Variants in TNFSF4 observed in about 807,000 individuals in gnomAD.
The protein encoded by TNFSF4 is tumor necrosis factor ligand superfamily member 4.
Under a neutral mutation model 7.3 loss-of-function variants are expected in TNFSF4, and 4 were observed. The ratio of observed to expected loss-of-function variants is 0.55; its 90% CI spans 0.27 to 1.25. TNFSF4 has a LOEUF of 1.25. Among genes scored for constraint, TNFSF4 ranks in the 50% most tolerant of loss-of-function variants. TNFSF4 has a pLI of 0.12. For synonymous variants in TNFSF4, 76 were observed against 83.7 expected (o/e 0.91, Z 0.50); for missense variants, 181 against 208.8 (o/e 0.87, Z 0.82).
chr1:173,218,602 T>TA, the TNFSF4 span, among the ~76,000 whole-genome samples: 1 of 96,994 alleles, frequency 1.0e-5, no homozygotes, highest in Non-Finnish European at 1.9e-5. Context: ...CCCCTAAAAT[T>TA]TAAAAAAAAA....
the TNFSF4 span, among the ~76,000 whole-genome samples, chr1:173,403,989 G>T: frequency 2.0e-5 from 3 of 152,178 alleles, no homozygotes; most frequent in African/African-American, 7.2e-5. Flanking sequence ...AGTAAGAAAT[G>T]ATACCGGCAC....
At chr1:173,215,884 C>T in the TNFSF4 span, among the ~76,000 whole-genome samples, 1 of 152,114 alleles carries the variant, frequency 6.6e-6, no homozygotes, top group Non-Finnish European at 1.5e-5. Flanking sequence ...AGAAGGTGCA[C>T]AATAATTGCG....
At chr1:173,224,060 C>T in the TNFSF4 span, among the ~76,000 whole-genome samples, 1 of 152,156 alleles carries the variant, frequency 6.6e-6, no homozygotes, top group Non-Finnish European at 1.5e-5. Context: ...ACCAGACCCA[C>T]TAGACTAGAG....
the TNFSF4 span, among the ~76,000 whole-genome samples, chr1:173,280,798 G>A: frequency 6.6e-6 from 1 of 152,008 alleles, no homozygotes; most frequent in Non-Finnish European, 1.5e-5. Flanking sequence ...GGTGTTTGGG[G>A]AATTTCAAAA....
the TNFSF4 span, among the ~76,000 whole-genome samples, chr1:173,265,297 T>C: frequency 6.6e-6 from 1 of 152,192 alleles, no homozygotes; most frequent in Admixed American, 6.5e-5. Flanking sequence ...AGAAATAATA[T>C]GTTTGGAAGT....
chr1:173,320,593 C>T, the TNFSF4 span, among the ~76,000 whole-genome samples: 1 of 152,060 alleles, frequency 6.6e-6, no homozygotes, highest in African/African-American at 2.4e-5. Flanking sequence ...CATCTTAGCC[C>T]AAAAACTCCT....
chr1:173,280,581 T>C, the TNFSF4 span, among the ~76,000 whole-genome samples: 4 of 152,166 alleles, frequency 2.6e-5, no homozygotes, highest in Non-Finnish European at 5.9e-5. Context: ...CAACGACAAG[T>C]TAGTTTTTAT....
chr1:173,327,664 A>T, the TNFSF4 span, among the ~76,000 whole-genome samples: 3 of 151,942 alleles, frequency 2.0e-5, no homozygotes, highest in Non-Finnish European at 4.4e-5. Context: ...CAAGAAAAAA[A>T]CAAACAACCC....
At chr1:173,220,447 T>G in the TNFSF4 span, among the ~76,000 whole-genome samples, 1 of 152,232 alleles carries the variant, frequency 6.6e-6, no homozygotes, top group Non-Finnish European at 1.5e-5. Flanking sequence ...CTCTTAGAGT[T>G]TATATTCCTG....
the TNFSF4 span, among the ~76,000 whole-genome samples, chr1:173,328,566 C>A: frequency 6.7e-6 from 1 of 149,834 alleles, no homozygotes; most frequent in Non-Finnish European, 1.5e-5. Context: ...TTACCCCCCC[C>A]CAAAAAAAAA....
the TNFSF4 span, among the ~76,000 whole-genome samples, chr1:173,360,531 G>A: frequency 2.0e-5 from 3 of 152,238 alleles, no homozygotes; most frequent in African/African-American, 7.2e-5. Context: ...TAGAAATCCT[G>A]AGACTAGCTG....
chr1:173,432,452 G>A, the TNFSF4 span, among the ~76,000 whole-genome samples: 52 of 152,272 alleles, frequency 3.4e-4, no homozygotes, highest in East Asian at 8.7e-3. Flanking sequence ...GAAAGAGAAC[G>A]AGACACCAAA....
chr1:173,394,213 CT>C, the TNFSF4 span, among the ~76,000 whole-genome samples: 1 of 92,526 alleles, frequency 1.1e-5, no homozygotes, highest in South Asian at 3.2e-4. Context: ...AAAACTCCAT[CT>C]TTAAAAAAAA....
At chr1:173,405,666 T>A in the TNFSF4 span, among the ~76,000 whole-genome samples, 1 of 152,246 alleles carries the variant, frequency 6.6e-6, no homozygotes, top group Non-Finnish European at 1.5e-5. Flanking sequence ...GTCTGAATCA[T>A]GTACAACTCA....
the TNFSF4 span, among the ~76,000 whole-genome samples, chr1:173,271,134 G>C: frequency 5.9e-5 from 9 of 152,198 alleles, no homozygotes; most frequent in East Asian, 1.7e-3. Context: ...CTGTGCAGAA[G>C]CTCTTTAGTT....
At position 173,186,484 on chromosome 1, in the gene TNFSF4, G is replaced by A; in HGVS notation, c.*32C>T. 2 of 1,549,074 alleles carry A rather than the reference G, an allele frequency of 1.3e-6. No individual in the cohort carries two copies. The highest frequency in any genetic ancestry group is 2.4e-5 in the South Asian group (2 of 83,390). On this transcript the variant is annotated 3_prime_UTR_variant, in exon 3 of 3. Transcript: ENST00000281834. Reference sequence around the variant, plus strand: ...CCACCCCCAGCTTGGTGTTCATGCTGGTGCCTGGTTTTAGATATTGCCATC... The same window carrying A: ...CCACCCCCAGCTTGGTGTTCATGCTAGTGCCTGGTTTTAGATATTGCCATC...
chr1:173,402,656 AG>A, the TNFSF4 span, among the ~76,000 whole-genome samples: 2 of 152,226 alleles, frequency 1.3e-5, no homozygotes, highest in Non-Finnish European at 2.9e-5. Flanking sequence ...CACCATGTTC[AG>A]CAAATGAAGC....
At chr1:173,330,880 CTTATCTT>C in the TNFSF4 span, among the ~76,000 whole-genome samples, 2 of 140,768 alleles carry the variant, frequency 1.4e-5, no homozygotes, top group African/African-American at 5.2e-5. Context: ...CTTTTCTTTT[CTTATCTT>C]TTTTTTTTTT....
In TNFSF4 at chr1:173,205,361, T is replaced by A. The variant is rs769961490; in HGVS notation, c.153+1663A>T. ...AGCACCCTGCTTTTCTTCCCACAGCTTTCCTTCTGTCCCAGAGTTGCTGGA... is the reference window on the plus strand; with the variant it reads ...AGCACCCTGCTTTTCTTCCCACAGCATTCCTTCTGTCCCAGAGTTGCTGGA... On this transcript the variant is annotated intron_variant, in intron 1 of 2. Transcript: ENST00000281834. 1.9e-6 allele frequency: 3 copies of A among 1,611,602 alleles called. No homozygotes were observed. The African/African-American group carries it at 4.0e-5, about 22-fold the overall frequency.
Sources: allele counts gnomAD v4.1 joint callset (sites outside exome capture counted in the v4.1 genomes callset), GRCh38; gene constraint gnomAD v4.1.1; transcripts MANE v1.5; gene names NCBI Gene and HGNC (gene_info 2026-07-23, HGNC 2026-07-21).